Variants in MAST1 observed in about 807,000 individuals in gnomAD.
The protein encoded by MAST1 is microtubule-associated serine/threonine-protein kinase 1.
MAST1 carries 40 observed loss-of-function variants against 124.6 expected under a neutral mutation model. The observed-to-expected ratio is 0.32, with a 90% CI of 0.25 to 0.42. The LOEUF (loss-of-function observed/expected upper bound fraction) is 0.42, where lower values mean the gene tolerates loss of function less well. MAST1 is among the 10% of genes least tolerant of loss of function. The pLI is 1.00. For missense variants in MAST1, 1,558 were observed against 2,181.9 expected, an observed-to-expected ratio of 0.71 and a Z score of 5.70; for synonymous variants, 938 against 939.4, an observed-to-expected ratio of 1.00 and a Z score of 0.03.
rs1336112033 is a variant in MAST1 at position 12,865,669 on chromosome 19, A to T, written c.1805-48A>T. 1 of 702,608 alleles carries T rather than the reference A, an allele frequency of 1.4e-6. No homozygotes were observed. The highest frequency in any genetic ancestry group is 1.8e-6 in the Non-Finnish European group (1 of 549,170). 43.5% of individuals were successfully genotyped at this position (702,608 alleles called of 1,614,324 possible). ...TGACACAGTGAGATCCTGTGTCCAA[A>T]CAACAACAACAACAAAAACCGCCCC... On this transcript the variant is annotated intron_variant, in intron 15 of 25. Coordinates refer to ENST00000251472, the MANE Select transcript of MAST1 (RefSeq NM_014975.3). This position sits in a 1 kb window ranked among gnomAD's most constrained non-coding sequence, Gnocchi z 7.1.
chr19:12,867,160 C>A (rs1191071121), intron 18 of MAST1, among the ~76,000 whole-genome samples: 3 of 152,114 alleles, frequency 2.0e-5, no homozygotes, highest in African/African-American at 7.2e-5. Flanking sequence ...TGAGAAGCAA[C>A]TTGTAGAGGC....
chr19:12,863,346 T>C (rs1318682378), intron 12 of MAST1, among the ~76,000 whole-genome samples: 2 of 151,836 alleles, frequency 1.3e-5, no homozygotes, highest in Admixed American at 6.6e-5. Context: ...GTGTGCACAA[T>C]AGATGTGCTC....
chr19:12,847,712 C>A lies in MAST1; in HGVS notation c.564+25C>A, dbSNP rs766532319. 1.6e-5 allele frequency: 25 copies of A among 1,611,300 alleles called. No homozygotes were observed. The Middle Eastern group carries it at 5.2e-4, about 33-fold the overall frequency. On this transcript the variant is annotated intron_variant, in intron 6 of 25. Transcript: ENST00000251472. The surrounding 1 kb of genome is among the most constrained non-coding windows in gnomAD (Gnocchi z 5.5). Reference sequence around the variant, plus strand: ...GGTGAGGTGGGACCCGAGGCGGTCACGGGGTGACCAGGCGGCCTGCACTCT... The same window carrying A: ...GGTGAGGTGGGACCCGAGGCGGTCAAGGGGTGACCAGGCGGCCTGCACTCT...
chr19:12,865,524 C>G lies in MAST1; in HGVS notation c.1804+43C>G, dbSNP rs1362937905. The G allele has an allele frequency of 1.3e-6, 2 of 1,539,518 alleles. No individual in the cohort carries two copies. Among genetic ancestry groups the G allele is most frequent in the African/African-American group, 1.4e-5 (1 of 72,478 alleles). The stretch of plus-strand genomic sequence containing the variant: ...GTACAGGGGCAGAGTGTGGTGTGCA[C>G]GGAGAGATGGACAGGCTCAGGGTTC... On this transcript the variant is annotated intron_variant, in intron 15 of 25. Transcript: ENST00000251472. This position sits in a 1 kb window ranked among gnomAD's most constrained non-coding sequence, Gnocchi z 7.1.
intron 24 of MAST1, 127 bp downstream of exon 24, chr19:12,871,299 G>A (rs895579140): frequency 1.4e-6 from 2 of 1,395,850 alleles, no homozygotes; most frequent in South Asian, 2.7e-5. Context: ...AACAAGCAAA[G>A]GGAAGAGGAC....
At chr19:12,872,812 C>T (rs529150092) in intron 24 of MAST1, 15 of 156,080 alleles carry the variant, frequency 9.6e-5, no homozygotes, top group East Asian at 1.9e-4. Context: ...AGCTGAAGCA[C>T]GGTAATCGCT....
intron 12 of MAST1, among the ~76,000 whole-genome samples, chr19:12,862,291 C>T: frequency 6.6e-6 from 1 of 152,138 alleles, no homozygotes; most frequent in East Asian, 1.9e-4. Flanking sequence ...AGGCGTGAAT[C>T]ACTGCGCCCA....
chr19:12,853,448 C>G (rs538131878), intron 10 of MAST1, among the ~76,000 whole-genome samples: 1 of 151,184 alleles, frequency 6.6e-6, no homozygotes, highest in Non-Finnish European at 1.5e-5. Context: ...CCCAGCTACT[C>G]GGGAGGCTGA....
intron 22 of MAST1, among the ~76,000 whole-genome samples, chr19:12,869,582 C>A (rs1441576227): frequency 6.6e-6 from 1 of 152,054 alleles, no homozygotes; most frequent in African/African-American, 2.4e-5. Context: ...TACAGACAGG[C>A]GCGCGCCACC....
chr19:12,841,025 C>A lies in MAST1; in HGVS notation c.207C>A (p.Ser69=). 6.5e-7 allele frequency: 1 copy of A among 1,529,042 alleles called. No individual in the cohort carries two copies. The highest frequency in any genetic ancestry group is 1.1e-5 in the South Asian group (1 of 89,494). 94.7% of individuals were successfully genotyped at this position (1,529,042 alleles called of 1,614,324 possible). A position where few individuals can be genotyped will look rare whatever the true frequency, so the allele number is the denominator to read the frequency against. The change falls in exon 3 of 26, where the codon TCC becomes TCA. Residue 69 remains serine (S), a synonymous_variant. Coordinates refer to ENST00000251472, the MANE Select transcript of MAST1 (RefSeq NM_014975.3). The surrounding 1 kb of genome is among the most constrained non-coding windows in gnomAD (Gnocchi z 4.3). ...CCCTGGACAGCCCCCGAAACTTCTC[C>A]CCCAACACCCCCGCCCACTTCTCGT... ...SSPLDSPRNF[S]PNTPAHFSFA...
At chr19:12,871,630 CA>C (rs949777129) in intron 24 of MAST1, among the ~76,000 whole-genome samples, 2 of 150,528 alleles carry the variant, frequency 1.3e-5, no homozygotes, top group African/African-American at 4.9e-5. Flanking sequence ...AACAAACAAA[CA>C]AAAAAAGAGG....
intron 1 of MAST1, among the ~76,000 whole-genome samples, chr19:12,839,009 C>G (rs572575492): frequency 3.3e-4 from 50 of 152,160 alleles, no homozygotes; most frequent in African/African-American, 1.2e-3. Flanking sequence ...GGCCTCCCCC[C>G]ACCCCCATGC....
intron 8 of MAST1, 34 bp downstream of exon 8, chr19:12,852,069 G>A (rs1439226506): frequency 6.2e-7 from 1 of 1,613,734 alleles, no homozygotes; most frequent in South Asian, 1.1e-5. Flanking sequence ...GGGTGGGTTG[G>A]TAGACCCTGG....
chr19:12,847,825 C>T lies in MAST1; in HGVS notation c.565-23C>T. The stretch of plus-strand genomic sequence containing the variant: ...CGCAGCCTTCGGGCACAGCCCCGCG[C>T]CCCTCCTCCGTCCCTCCCGCAGGCC... On this transcript the variant is annotated intron_variant, in intron 6 of 25. Coordinates refer to ENST00000251472, the MANE Select transcript of MAST1 (RefSeq NM_014975.3). The surrounding 1 kb of genome is among the most constrained non-coding windows in gnomAD (Gnocchi z 5.5). 6.3e-7 allele frequency: 1 copy of T among 1,597,398 alleles called. No homozygotes were observed. The highest frequency in any genetic ancestry group is 8.5e-7 in the Non-Finnish European group (1 of 1,171,578).
Position 12,874,649 on chromosome 19 carries a change from C to T in MAST1, c.4492C>T (p.Pro1498Ser). The T allele has an allele frequency of 6.5e-7, 1 of 1,528,490 alleles. No individual in the cohort carries two copies. Among genetic ancestry groups the T allele is most frequent in the South Asian group, 1.3e-5 (1 of 77,782 alleles). 94.7% of individuals were successfully genotyped at this position (1,528,490 alleles called of 1,614,324 possible). A position where few individuals can be genotyped will look rare whatever the true frequency, so the allele number is the denominator to read the frequency against. The change falls in exon 26 of 26, where the codon CCC becomes TCC. Residue 1498 changes from proline to serine, a missense_variant. Around this residue, in one of 10 missense-constraint regions of MAST1, gnomAD observed 168 missense variants for 154.3 expected, o/e 1.09. Coordinates refer to ENST00000251472, the MANE Select transcript of MAST1 (RefSeq NM_014975.3). This position sits in a 1 kb window ranked among gnomAD's most constrained non-coding sequence, Gnocchi z 6.6. ...RTTLSGPRSK[P>S]ASPKLSPEPQ... ...CACGCTGAGCGGTCCTCGCTCCAAG[C>T]CCGCCTCCCCAAAGCTCTCCCCGGA...
Position 12,874,882 on chromosome 19 carries a change from A to T in MAST1, c.*12A>T. On this transcript the variant is annotated 3_prime_UTR_variant, in exon 26 of 26. Transcript: ENST00000251472. This position sits in a 1 kb window ranked among gnomAD's most constrained non-coding sequence, Gnocchi z 6.6. ...CCCCGGGACCATAGCCAAGGGGGTC[A>T]TCGGCCCCGCGCTGTACAGCCTCCG... 6.3e-7 allele frequency: 1 copy of T among 1,590,312 alleles called. No homozygotes were observed. The highest frequency in any genetic ancestry group is 8.5e-7 in the Non-Finnish European group (1 of 1,171,584).
Position 12,847,796 on chromosome 19 carries a change from C to A in MAST1, c.565-52C>A, listed in dbSNP as rs758044423. 5.7e-6 allele frequency: 9 copies of A among 1,577,634 alleles called. No homozygotes were observed. The highest frequency in any genetic ancestry group is 4.6e-5 in the East Asian group (2 of 43,948). The stretch of plus-strand genomic sequence containing the variant: ...CTCGGTGCGCAGCGCAGGCTCCTGG[C>A]GGCCGCAGCCTTCGGGCACAGCCCC... On this transcript the variant is annotated intron_variant, in intron 6 of 25. Coordinates refer to ENST00000251472, the MANE Select transcript of MAST1 (RefSeq NM_014975.3). The surrounding 1 kb of genome is among the most constrained non-coding windows in gnomAD (Gnocchi z 5.5).
At chr19:12,868,891 AT>A in intron 21 of MAST1, 42 bp downstream of exon 21, 1 of 1,554,502 alleles carries the variant, frequency 6.4e-7, no homozygotes, top group South Asian at 1.2e-5. Flanking sequence ...GCTGCCCCCC[AT>A]TTGAGGCAGG....
intron 3 of MAST1, among the ~76,000 whole-genome samples, chr19:12,842,799 ATGTT>A (rs1445232832): frequency 6.6e-6 from 1 of 152,074 alleles, no homozygotes; most frequent in African/African-American, 2.4e-5. Flanking sequence ...AGTGTGGAGT[ATGTT>A]TGGGTGAGTC....
Sources: allele counts gnomAD v4.1 joint callset (sites outside exome capture counted in the v4.1 genomes callset), GRCh38; gene constraint gnomAD v4.1.1; regional missense constraint gnomAD v4.1.1; non-coding constraint Gnocchi (gnomAD v3.1); transcripts MANE v1.5; gene names NCBI Gene and HGNC (gene_info 2026-07-23, HGNC 2026-07-21).